Variants in PCDHGA8 observed in about 807,000 individuals in gnomAD.
PCDHGA8 encodes protocadherin gamma-A8.
PCDHGA8 carries 45 observed loss-of-function variants against 59.2 expected under a neutral mutation model. The observed-to-expected ratio is 0.76, with a 90% CI of 0.60 to 0.98. PCDHGA8 has a LOEUF of 0.98. PCDHGA8 is among the 50% of genes least tolerant of loss of function. The pLI is 0.00. For synonymous variants in PCDHGA8, 531 were observed against 519.0 expected (o/e 1.02, Z -0.32); for missense variants, 1,257 against 1,196.2 (o/e 1.05, Z -0.75).
intron 2 of PCDHGA8, among the ~76,000 whole-genome samples, chr5:141,497,621 C>T (rs769483223): frequency 7.3e-5 from 11 of 151,482 alleles, no homozygotes; most frequent in Non-Finnish European, 1.3e-4. Flanking sequence ...CTCACTGCAA[C>T]CTCTGCCTGC....
At position 141,511,124 on chromosome 5, in the gene PCDHGA8, C is replaced by A. The variant is rs752246201; in HGVS notation, c.2750C>A (p.Ala917Glu). The A allele has an allele frequency of 6.2e-7, 1 of 1,614,206 alleles. No homozygotes were observed. The highest frequency in any genetic ancestry group is 8.5e-7 in the Non-Finnish European group (1 of 1,180,022). ...AAGKRDGKAP[A>E]GGNGNKKKSG... The stretch of plus-strand genomic sequence containing the variant: ...GGCAAGCGGGATGGCAAGGCCCCAG[C>A]AGGTGGCAATGGCAACAAGAAGAAG... Residue 917 changes from alanine (A) to glutamate (E), a missense_variant, in exon 4 of 4, where the codon GCA becomes GAA. Coordinates refer to ENST00000398604, the MANE Select transcript of PCDHGA8 (RefSeq NM_032088.2).
intron 1 of PCDHGA8, among the ~76,000 whole-genome samples, chr5:141,484,092 G>A (rs1594371151): frequency 6.6e-6 from 1 of 152,102 alleles, no homozygotes; most frequent in African/African-American, 2.4e-5. Flanking sequence ...AATGGTCTTC[G>A]TTGGTAATTA....
chr5:141,466,401 T>A (rs2099122186), intron 1 of PCDHGA8, among the ~76,000 whole-genome samples: 1 of 152,210 alleles, frequency 6.6e-6, no homozygotes, highest in Non-Finnish European at 1.5e-5. Flanking sequence ...TTTGCTCAAC[T>A]TTAATTTTTC....
chr5:141,412,000 C>G (rs936679371), intron 1 of PCDHGA8: 4 of 151,788 alleles, frequency 2.6e-5, no homozygotes, highest in East Asian at 1.9e-4. Flanking sequence ...GGCATAGTGA[C>G]ATAAACACTT....
At chr5:141,423,139 G>T (rs2096713828) in intron 1 of PCDHGA8, 4 of 1,613,498 alleles carry the variant, frequency 2.5e-6, no homozygotes, top group Non-Finnish European at 3.4e-6. Flanking sequence ...GGACAGAGAC[G>T]CGCTCAAGCA....
At chr5:141,427,599 C>T (rs1233253295) in intron 1 of PCDHGA8, 3 of 682,980 alleles carry the variant, frequency 4.4e-6, no homozygotes, top group South Asian at 3.0e-5. Flanking sequence ...CCTCACCCTA[C>T]GCATTGGTGA....
chr5:141,439,441 T>C (rs2098112892), intron 1 of PCDHGA8, among the ~76,000 whole-genome samples: 2 of 152,348 alleles, frequency 1.3e-5, no homozygotes, highest in South Asian at 4.1e-4. Context: ...GAATATTTTA[T>C]TGCGGGAGCA....
intron 1 of PCDHGA8, among the ~76,000 whole-genome samples, chr5:141,458,081 G>GTTT (rs1259527184): frequency 6.6e-6 from 1 of 152,186 alleles, no homozygotes; most frequent in Non-Finnish European, 1.5e-5. Flanking sequence ...CTATATTGCC[G>GTTT]TAAGTTAAGA....
intron 2 of PCDHGA8, among the ~76,000 whole-genome samples, chr5:141,497,522 G>A (rs998999424): frequency 3.3e-5 from 5 of 150,848 alleles, no homozygotes; most frequent in African/African-American, 4.9e-5. Flanking sequence ...TAGTTAACTT[G>A]TGGAGGATGC....
At position 141,454,320 on chromosome 5, in the gene PCDHGA8, C is replaced by T. The variant is rs140074578; in HGVS notation, c.2425-40487C>T. ...CAGATATTTCAAAGCATTGAAACCTCCAAGAATAAATAAAATGTTGGAAGT... is the reference window on the plus strand; with the variant it reads ...CAGATATTTCAAAGCATTGAAACCTTCAAGAATAAATAAAATGTTGGAAGT... On this transcript the variant is annotated intron_variant, in intron 1 of 3. Coordinates refer to ENST00000398604, the MANE Select transcript of PCDHGA8 (RefSeq NM_032088.2). Among the ~76,000 whole-genome samples, 592 of 152,266 alleles carry T rather than the reference C, an allele frequency of 3.9e-3. 6 individuals are homozygous for T. Among genetic ancestry groups the T allele is most frequent in the Admixed American group, 0.011 (171 of 15,288 alleles).
rs962794399 is a variant in PCDHGA8, at chr5:141,449,958, AT to A, written c.2425-44841del. Among the ~76,000 whole-genome samples, 332 of 148,828 alleles carry A rather than the reference AT, an allele frequency of 2.2e-3. 1 individual carries two copies. The highest frequency in any genetic ancestry group is 6.8e-3 in the Admixed American group (101 of 14,904). Reference sequence around the variant, plus strand: ...GTATATTTTACTATACCTCATAGTAATTTTTTTTAGTCCAAAATATCACACA... The same window carrying A: ...GTATATTTTACTATACCTCATAGTAATTTTTTTAGTCCAAAATATCACACA... On this transcript the variant is annotated intron_variant, in intron 1 of 3. Coordinates refer to ENST00000398604, the MANE Select transcript of PCDHGA8 (RefSeq NM_032088.2).
rs763840734 is a variant in PCDHGA8, at chr5:141,428,113, T to C, written c.2424+32876T>C. The stretch of plus-strand genomic sequence containing the variant: ...CTGTCCTACCACGTGCTGCAGGCCA[T>C]CGAGCCCGGGCTTTTCAGCCTGGGG... On this transcript the variant is annotated intron_variant, in intron 1 of 3. Transcript: ENST00000398604. 1.0e-5 allele frequency: 16 copies of C among 1,607,374 alleles called. No homozygotes were observed. In the African/African-American group the frequency reaches 1.9e-4, roughly 19 times the overall value.
At chr5:141,409,847 C>T (rs2095325421) in intron 1 of PCDHGA8, 3 of 1,611,712 alleles carry the variant, frequency 1.9e-6, no homozygotes, top group East Asian at 2.2e-5. Context: ...CGTGAGCCTG[C>T]GCGTGTTGGT....
intron 1 of PCDHGA8, among the ~76,000 whole-genome samples, chr5:141,464,794 A>C (rs2154568597): frequency 6.6e-6 from 1 of 152,128 alleles, no homozygotes; most frequent in East Asian, 1.9e-4. Flanking sequence ...GCCAAATTGC[A>C]GTGATGCAGT....
At chr5:141,441,187 AT>A (rs1349788972) in intron 1 of PCDHGA8, 1 of 152,214 alleles carries the variant, frequency 6.6e-6, no homozygotes, top group Non-Finnish European at 1.5e-5. Context: ...TTCCACAATG[AT>A]TCCCAAAGAT....
Position 141,477,395 on chromosome 5 carries a change from A to G in PCDHGA8, c.2425-17412A>G. The G allele has an allele frequency of 1.9e-6, 3 of 1,614,126 alleles. No individual in the cohort carries two copies. The highest frequency in any genetic ancestry group is 1.3e-5 in the African/African-American group (1 of 75,020). ...GACTGTGCCAGAATACAACCTCAGC[A>G]TCACCGCCCGAGACGCCGGAACCCC... On this transcript the variant is annotated intron_variant, in intron 1 of 3. Transcript: ENST00000398604. The surrounding 1 kb of genome is among the most constrained non-coding windows in gnomAD (Gnocchi z 4.9).
rs751102208 is a variant in PCDHGA8, at chr5:141,393,343, A to G, written c.530A>G (p.His177Arg). Reference protein sequence around the residue: ...LQSYQLSPNHHFSLDVQTGDN... With the variant: ...LQSYQLSPNHRFSLDVQTGDN... ...AGCTACCAGCTCAGCCCCAATCACC[A>G]CTTCTCCCTGGACGTGCAGACTGGA... The change falls in exon 1 of 4, where the codon CAC becomes CGC. Residue 177 changes from histidine (H) to arginine (R), a missense_variant. By Grantham distance (29) the His-to-Arg change is conservative. Transcript: ENST00000398604. The G allele has an allele frequency of 8.1e-6, 13 of 1,613,914 alleles. No homozygotes were observed. Among genetic ancestry groups the G allele is most frequent in the Non-Finnish European group, 1.1e-5 (13 of 1,179,864 alleles).
At chr5:141,492,312 C>T (rs1470136040) in intron 1 of PCDHGA8, among the ~76,000 whole-genome samples, 2 of 152,348 alleles carry the variant, frequency 1.3e-5, no homozygotes, top group African/African-American at 4.8e-5. Flanking sequence ...CGCACGCACT[C>T]CTCGCACGTG....
At chr5:141,408,885 T>C (rs1263835706) in intron 1 of PCDHGA8, 3 of 1,612,902 alleles carry the variant, frequency 1.9e-6, no homozygotes, top group East Asian at 2.2e-5. Flanking sequence ...ACCGCTCACA[T>C]AGAAATTTCT....
Sources: gnomAD v4.1 joint callset for allele counts (sites outside exome capture counted in the v4.1 genomes callset) on GRCh38, gnomAD v4.1.1 for gene constraint, Gnocchi (gnomAD v3.1) non-coding constraint, MANE v1.5 for transcripts, NCBI Gene and HGNC (gene_info 2026-07-23, HGNC 2026-07-21) for gene names.